PLCG2: variants seen among roughly 807,000 people sequenced by gnomAD.
PLCG2 encodes the protein 1-phosphatidylinositol 4,5-bisphosphate phosphodiesterase gamma-2.
In PLCG2, 69 loss-of-function variants were observed where a neutral mutation model predicts 175.6. That is an observed-to-expected ratio of 0.39 (90% CI 0.32 to 0.48). PLCG2 has a LOEUF of 0.48. Among genes scored for constraint, PLCG2 ranks in the 20% least tolerant of loss-of-function variants. The probability of loss-of-function intolerance (pLI) is 0.91; values close to 1 mark genes in which losing one functional copy is unlikely to be tolerated. For missense variants in PLCG2, 1,798 were observed against 1,650.9 expected, an observed-to-expected ratio of 1.09 and a Z score of -1.54; for synonymous variants, 827 against 624.0, an observed-to-expected ratio of 1.33 and a Z score of -4.85.
intron 2 of PLCG2, among the ~76,000 whole-genome samples, chr16:81,813,453 C>T (rs995172649): frequency 8.5e-5 from 13 of 152,134 alleles, no homozygotes; most frequent in Admixed American, 5.9e-4. Flanking sequence ...GGAGTTCACT[C>T]ATGATTTAGC....
chr16:81,769,736 C>T (rs973051714), intron 2 of PLCG2, among the ~76,000 whole-genome samples: 138 of 137,666 alleles, frequency 1.0e-3, no homozygotes, highest in African/African-American at 3.5e-3. Flanking sequence ...AGGAGAATGG[C>T]GTGAACCCGG....
intron 2 of PLCG2, among the ~76,000 whole-genome samples, chr16:81,766,060 G>A (rs1179050084): frequency 6.6e-6 from 1 of 152,128 alleles, no homozygotes; most frequent in African/African-American, 2.4e-5. Flanking sequence ...GCCTTCCCAG[G>A]TGTGTCCTAC....
In PLCG2 at chr16:81,868,884, T is replaced by A. The variant is rs79124095; in HGVS notation, c.480-330T>A. ...GATCTCCAGTGTAGGTGCCTCCTCA[T>A]TGGGGCATCACTGTACGCTATAAAT... On this transcript the variant is annotated intron_variant, in intron 5 of 32. Coordinates refer to ENST00000564138, the MANE Select transcript of PLCG2 (RefSeq NM_002661.5). 7.9e-5 allele frequency among the ~76,000 whole-genome samples: 12 copies of A among 152,210 alleles called. No individual in the cohort carries two copies. The South Asian group carries it at 1.5e-3, about 18-fold the overall frequency.
Position 81,895,846 on chromosome 16 carries a change from A to G in PLCG2, c.1112A>G (p.Tyr371Cys), listed in dbSNP as rs1908860340. The change falls in exon 13 of 33, where the codon TAC (tyrosine) becomes TGC (cysteine). Residue 371 changes from tyrosine to cysteine, a missense_variant. By Grantham distance (194) the Tyr-to-Cys change is radical. Transcript: ENST00000564138. ...GGGCCCGATGGGAAGCCGGTCATCTACCATGGCTGGACGCGGACTACCAAG... is the reference window on the plus strand; with the variant it reads ...GGGCCCGATGGGAAGCCGGTCATCTGCCATGGCTGGACGCGGACTACCAAG... ...WDGPDGKPVI[Y>C]HGWTRTTKIK... 1 of 1,614,120 alleles carries G rather than the reference A, an allele frequency of 6.2e-7. No homozygotes were observed. The highest frequency in any genetic ancestry group is 1.3e-5 in the African/African-American group (1 of 75,030).
chr16:81,770,491 T>C (rs955819388), intron 2 of PLCG2, among the ~76,000 whole-genome samples: 1 of 151,594 alleles, frequency 6.6e-6, no homozygotes, highest in Non-Finnish European at 1.5e-5. Flanking sequence ...GGTGGGAGAG[T>C]CGTTTGAGCT....
intron 1 of PLCG2, chr16:81,783,266 C>T: frequency 3.3e-6 from 1 of 303,798 alleles, no homozygotes; most frequent in South Asian, 3.0e-5. Context: ...TGGTTGGCAG[C>T]TGGGTCAAAT....
At chr16:81,845,207 C>G (rs1323756382) in intron 2 of PLCG2, among the ~76,000 whole-genome samples, 1 of 152,162 alleles carries the variant, frequency 6.6e-6, no homozygotes, top group African/African-American at 2.4e-5. Flanking sequence ...TCCCAAAGTG[C>G]TGGAATTATA....
chr16:81,816,651 A>AGTT (rs1555509092), intron 2 of PLCG2, among the ~76,000 whole-genome samples: 1 of 108,858 alleles, frequency 9.2e-6, no homozygotes, highest in Non-Finnish European at 1.7e-5. Context: ...GCTAATTTTA[A>AGTT]TTTTTTTTTT....
At chr16:81,957,173 C>A (rs1173719607) in intron 32 of PLCG2, among the ~76,000 whole-genome samples, 1 of 152,108 alleles carries the variant, frequency 6.6e-6, no homozygotes, top group Non-Finnish European at 1.5e-5. Context: ...GTCGTGGGCG[C>A]CTGTAATCCC....
At chr16:81,795,552 C>G (rs757137507) in intron 2 of PLCG2, among the ~76,000 whole-genome samples, 1 of 152,224 alleles carries the variant, frequency 6.6e-6, no homozygotes, top group African/African-American at 2.4e-5. Flanking sequence ...GGACTCTGTG[C>G]TATCATCTCC....
At chr16:81,802,883 A>G (rs1052528143) in intron 2 of PLCG2, among the ~76,000 whole-genome samples, 2 of 152,202 alleles carry the variant, frequency 1.3e-5, no homozygotes, top group African/African-American at 4.8e-5. Context: ...TGTATACCCT[A>G]TAATGTACCC....
intron 10 of PLCG2, among the ~76,000 whole-genome samples, chr16:81,890,585 A>G (rs544179358): frequency 4.0e-4 from 61 of 152,336 alleles, no homozygotes; most frequent in African/African-American, 1.4e-3. Flanking sequence ...CATTGCAAGC[A>G]CAGAAACAGA....
At position 81,854,037 on chromosome 16, in the gene PLCG2, G is replaced by A. The variant is rs139250459; in HGVS notation, c.194-407G>A. ...AAGGTCATCAAGGTCAAGGTCAACC[G>A]GACAGTTGACCTTTAGGCTGCCTAG... On this transcript the variant is annotated intron_variant, in intron 2 of 32. Transcript: ENST00000564138. Among the ~76,000 whole-genome samples the A allele has an allele frequency of 2.2e-4, 34 of 152,222 alleles. No homozygotes were observed. The East Asian group carries it at 4.8e-3, about 22-fold the overall frequency.
chr16:81,877,466 A>G (rs1567511854), intron 7 of PLCG2, among the ~76,000 whole-genome samples: 2 of 152,222 alleles, frequency 1.3e-5, no homozygotes, highest in South Asian at 2.1e-4. Flanking sequence ...AACAAACAAA[A>G]CAACAAAACA....
At chr16:81,760,242 A>G (rs1479493164) in intron 2 of PLCG2, among the ~76,000 whole-genome samples, 2 of 152,144 alleles carry the variant, frequency 1.3e-5, no homozygotes, top group African/African-American at 2.4e-5. Context: ...AAGCACAACC[A>G]CAGGTGGGAT....
chr16:81,938,224 C>T (rs1910797103), intron 28 of PLCG2, among the ~76,000 whole-genome samples: 1 of 152,120 alleles, frequency 6.6e-6, no homozygotes, highest in Admixed American at 6.5e-5. Flanking sequence ...GGGAAACAGC[C>T]ATTTGGTCTT....
rs138225792 is a variant in PLCG2 at position 81,959,109 on chromosome 16, G to C, written c.*1111G>C. ...ATATGGCTTTTTAAAGGAGAGGAGAGTGCTGGGTTGGGAAGGGAGGTGGTT... is the reference window on the plus strand; with the variant it reads ...ATATGGCTTTTTAAAGGAGAGGAGACTGCTGGGTTGGGAAGGGAGGTGGTT... On this transcript the variant is annotated 3_prime_UTR_variant, in exon 33 of 33. Transcript: ENST00000564138. 6.4e-3 allele frequency: 1,423 copies of C among 224,012 alleles called. 27 individuals carry two copies. Among genetic ancestry groups the C allele is most frequent in the African/African-American group, 0.029 (1,320 of 44,932 alleles). 13.9% of individuals were successfully genotyped at this position (224,012 alleles called of 1,614,324 possible). A position where few individuals can be genotyped will look rare whatever the true frequency, so the allele number is the denominator to read the frequency against.
chr16:81,822,761 CAAAAAAAA>C (rs59970301), intron 2 of PLCG2, among the ~76,000 whole-genome samples: 2 of 69,844 alleles, frequency 2.9e-5, no homozygotes, highest in Non-Finnish European at 4.7e-5. Flanking sequence ...GACTCCATCT[CAAAAAAAA>C]AAAAAAAAAA....
intron 2 of PLCG2, among the ~76,000 whole-genome samples, chr16:81,792,429 C>T (rs537662923): frequency 5.5e-5 from 7 of 126,986 alleles, no homozygotes; most frequent in South Asian, 2.6e-4. Flanking sequence ...TGCAGTGAGC[C>T]GAGATCACTC....
Sources: allele counts gnomAD v4.1 joint callset (sites outside exome capture counted in the v4.1 genomes callset), GRCh38; gene constraint gnomAD v4.1.1; transcripts MANE v1.5; gene names NCBI Gene and HGNC (gene_info 2026-07-23, HGNC 2026-07-21).